Variants in PTPRT observed in about 807,000 individuals in gnomAD.
PTPRT encodes receptor-type tyrosine-protein phosphatase T.
In PTPRT, 56 loss-of-function variants were observed where a neutral mutation model predicts 176.8. The ratio of observed to expected loss-of-function variants is 0.32; its 90% CI spans 0.26 to 0.40. The LOEUF (loss-of-function observed/expected upper bound fraction) is 0.40. Ranked by LOEUF, PTPRT falls within the 10% of genes least tolerant of loss-of-function variation. The pLI is 1.00. For missense variants in PTPRT, 1,540 were observed against 1,908.2 expected, an observed-to-expected ratio of 0.81 and a Z score of 3.60; for synonymous variants, 783 against 739.0, an observed-to-expected ratio of 1.06 and a Z score of -0.96.
chr20:42,701,298 A>T (rs1463764866), intron 6 of PTPRT, among the ~76,000 whole-genome samples: 1 of 152,242 alleles, frequency 6.6e-6, no homozygotes, highest in Non-Finnish European at 1.5e-5. Context: ...AACCAGAATC[A>T]GAGAAAGGCA....
intron 4 of PTPRT, among the ~76,000 whole-genome samples, chr20:42,773,854 A>C (rs1445491741): frequency 6.6e-6 from 1 of 152,194 alleles, no homozygotes; most frequent in East Asian, 1.9e-4. Flanking sequence ...CTCTGTGTTT[A>C]GTTTTACAAA....
intron 1 of PTPRT, among the ~76,000 whole-genome samples, chr20:42,920,514 A>G (rs1194297272): frequency 6.6e-6 from 1 of 152,190 alleles, no homozygotes; most frequent in African/African-American, 2.4e-5. Flanking sequence ...ACAATGACCA[A>G]AATTCACTAT....
At chr20:42,846,399 A>C (rs766746995) in intron 2 of PTPRT, among the ~76,000 whole-genome samples, 79 of 152,228 alleles carry the variant, frequency 5.2e-4, no homozygotes, top group Non-Finnish European at 1.0e-3. Flanking sequence ...AAAGCTTCCA[A>C]AGCACTAAAG....
intron 8 of PTPRT, among the ~76,000 whole-genome samples, chr20:42,470,431 C>T (rs2071173085): frequency 6.6e-6 from 1 of 152,144 alleles, no homozygotes; most frequent in Non-Finnish European, 1.5e-5. Flanking sequence ...GTCCCACTTC[C>T]CTCACTCCCC....
At chr20:42,851,661 C>T (rs2078473230) in intron 2 of PTPRT, among the ~76,000 whole-genome samples, 1 of 152,214 alleles carries the variant, frequency 6.6e-6, no homozygotes, top group Non-Finnish European at 1.5e-5. Context: ...TCGTAAAGAG[C>T]TAGATAGTAA....
intron 1 of PTPRT, among the ~76,000 whole-genome samples, chr20:43,068,504 C>CAAAAAAAAA (rs3092671): frequency 1.8e-5 from 1 of 56,526 alleles, no homozygotes; most frequent in Non-Finnish European, 4.5e-5. Context: ...GACTCTGTCT[C>CAAAAAAAAA]AAAAAAAAAA....
intron 7 of PTPRT, among the ~76,000 whole-genome samples, chr20:42,661,357 G>C (rs2146001622): frequency 6.6e-6 from 1 of 152,244 alleles, no homozygotes; most frequent in Non-Finnish European, 1.5e-5. Context: ...ACATGAGAAT[G>C]AGGTCAGTGA....
At chr20:42,417,691 G>A (rs1346224774) in intron 9 of PTPRT, among the ~76,000 whole-genome samples, 1 of 149,810 alleles carries the variant, frequency 6.7e-6, no homozygotes, top group African/African-American at 2.5e-5. Flanking sequence ...TGCCCAAGAT[G>A]AATGAATAAT....
At chr20:42,568,685 C>T (rs2073090351) in intron 7 of PTPRT, among the ~76,000 whole-genome samples, 1 of 152,082 alleles carries the variant, frequency 6.6e-6, no homozygotes, top group Non-Finnish European at 1.5e-5. Flanking sequence ...AGGTGACCCT[C>T]CTGGCCTACA....
At chr20:43,177,651 T>G (rs183727484) in intron 1 of PTPRT, among the ~76,000 whole-genome samples, 1 of 152,134 alleles carries the variant, frequency 6.6e-6, no homozygotes, top group African/African-American at 2.4e-5. Context: ...GGCAGAACAA[T>G]TGCAATACAG....
intron 2 of PTPRT, among the ~76,000 whole-genome samples, chr20:42,864,664 T>C (rs942272481): frequency 6.6e-6 from 1 of 152,230 alleles, no homozygotes; most frequent in Admixed American, 6.5e-5. Context: ...CCTCTGGCTA[T>C]AGTGTCCCTG....
At chr20:43,120,567 G>A (rs551448091) in intron 1 of PTPRT, among the ~76,000 whole-genome samples, 1 of 152,262 alleles carries the variant, frequency 6.6e-6, no homozygotes, top group East Asian at 1.9e-4. Context: ...CACCACACCC[G>A]GCCCAGATTC....
At position 42,184,533 on chromosome 20, in the gene PTPRT, TC is replaced by T. The variant is rs1462280945; in HGVS notation, c.2491+14706del. 8.9e-3 allele frequency among the ~76,000 whole-genome samples: 811 copies of T among 90,796 alleles called. 29 individuals carry two copies. The highest frequency in any genetic ancestry group is 0.01 in the East Asian group (36 of 3,436). 59.6% of individuals were successfully genotyped at this position (90,796 alleles called of 152,430 possible). On this transcript the variant is annotated intron_variant, in intron 16 of 30. Coordinates refer to ENST00000373187, the MANE Select transcript of PTPRT (RefSeq NM_007050.6). ...TCCTCCTCCTCCTTCTTCTTCTTCT[TC>T]CTCTTCCTCTTCTTCTTCTTCTTCT...
intron 6 of PTPRT, among the ~76,000 whole-genome samples, chr20:42,742,970 C>G (rs1413207440): frequency 6.6e-6 from 1 of 152,192 alleles, no homozygotes; most frequent in Non-Finnish European, 1.5e-5. Flanking sequence ...ATTGCTTGCT[C>G]AGGCACAGCA....
chr20:43,095,370 G>A (rs181511640), intron 1 of PTPRT, among the ~76,000 whole-genome samples: 115 of 152,106 alleles, frequency 7.6e-4, no homozygotes, highest in African/African-American at 2.6e-3. Flanking sequence ...AAAGAGTGTG[G>A]AGGTTAAGTG....
At position 42,332,857 on chromosome 20, in the gene PTPRT, C is replaced by G. The variant is rs148196436; in HGVS notation, c.1866-16861G>C. On this transcript the variant is annotated intron_variant, in intron 11 of 30. Coordinates refer to ENST00000373187, the MANE Select transcript of PTPRT (RefSeq NM_007050.6). ...AATGTAATATTTTGATATGGTACAACAAGATATATAAACATTTGGAATTTT... is the reference window on the plus strand; with the variant it reads ...AATGTAATATTTTGATATGGTACAAGAAGATATATAAACATTTGGAATTTT... Among the ~76,000 whole-genome samples the G allele has an allele frequency of 6.9e-4, 105 of 152,166 alleles. 1 individual carries two copies. Among genetic ancestry groups the G allele is most frequent in the African/African-American group, 2.4e-3 (99 of 41,510 alleles).
At chr20:43,062,605 G>A (rs933108728) in intron 1 of PTPRT, among the ~76,000 whole-genome samples, 3 of 152,248 alleles carry the variant, frequency 2.0e-5, no homozygotes, top group African/African-American at 2.4e-5. Flanking sequence ...ATGCAATCAC[G>A]TTAACGCTAT....
chr20:43,083,353 T>TATATATATAC (rs1568774225), intron 1 of PTPRT, among the ~76,000 whole-genome samples: 3 of 128,468 alleles, frequency 2.3e-5, no homozygotes, highest in African/African-American at 8.7e-5. Flanking sequence ...TATATATATA[T>TATATATATAC]ATATATATAT....
At chr20:42,595,755 A>G (rs984055193) in intron 7 of PTPRT, among the ~76,000 whole-genome samples, 1 of 152,182 alleles carries the variant, frequency 6.6e-6, no homozygotes, top group African/African-American at 2.4e-5. Context: ...TCCTCTTGCC[A>G]GGAATTTCAG....
Sources: gnomAD v4.1 joint callset for allele counts (sites outside exome capture counted in the v4.1 genomes callset) on GRCh38, gnomAD v4.1.1 for gene constraint, MANE v1.5 for transcripts, NCBI Gene and HGNC (gene_info 2026-07-23, HGNC 2026-07-21) for gene names.